Variants in CCDC197 observed in about 807,000 individuals in gnomAD.
CCDC197 encodes uncharacterized protein CCDC197.
Under a neutral mutation model 13.4 loss-of-function variants are expected in CCDC197, and 24 were observed. The observed-to-expected ratio is 1.80, with a 90% CI of 1.30 to 2.53. The LOEUF (loss-of-function observed/expected upper bound fraction) is 2.53, where lower values mean the gene tolerates loss of function less well. Ranked by LOEUF, CCDC197 falls within the 30% of genes most tolerant of loss-of-function variation. CCDC197 has a pLI of 0.00. For missense variants in CCDC197, 255 were observed against 148.8 expected (o/e 1.71, Z -3.71); for synonymous variants, 99 against 55.5 (o/e 1.78, Z -3.48).
chr14:93,988,210 G>A (rs1890135431), intron 1 of CCDC197, among the ~76,000 whole-genome samples: 2 of 118,526 alleles, frequency 1.7e-5, no homozygotes, highest in Admixed American at 8.3e-5. Context: ...GAGGGTATGG[G>A]AGAGGGGATG....
rs12890024 is a variant in CCDC197, at chr14:94,003,455, A to G, written c.498+101A>G. On this transcript the variant is annotated intron_variant, in intron 5 of 6. Coordinates refer to ENST00000636493, the MANE Select transcript of CCDC197 (RefSeq NM_001351596.2). This position sits in a 1 kb window ranked among gnomAD's most constrained non-coding sequence, Gnocchi z 5.0. ...AAAACACACAGACACATACGCACGC[A>G]GACACACACACACAGAGCCAGACAC... is the stretch of plus-strand genomic sequence containing the variant. 238,490 of 634,660 alleles carry G rather than the reference A, an allele frequency of 0.38. 46,003 individuals are homozygous for G. Among genetic ancestry groups the G allele is most frequent in the Admixed American group, 0.44 (20,247 of 46,194 alleles). The allele number at this position is 634,660 out of a possible 1,614,324, so 39.3% of individuals were successfully genotyped here.
At chr14:93,998,348 G>A (rs895079159) in intron 2 of CCDC197, 113 bp downstream of exon 2, 3 of 681,640 alleles carry the variant, frequency 4.4e-6, no homozygotes, top group Admixed American at 4.1e-5. Context: ...GGGTGGATGA[G>A]GAGGGCAGTG....
chr14:93,997,815 T>G (rs1041901095), intron 1 of CCDC197, among the ~76,000 whole-genome samples, 184 bp from the exon 2 acceptor site: 1 of 152,156 alleles, frequency 6.6e-6, no homozygotes, highest in Non-Finnish European at 1.5e-5. Flanking sequence ...GCTGTACCAG[T>G]TATAGGGCCG....
In CCDC197 at chr14:94,005,305, C is replaced by T. The variant is rs112357369; in HGVS notation, c.615+334C>T. On this transcript the variant is annotated intron_variant, in intron 6 of 6. Transcript: ENST00000636493. ...CATCCATGTGTGCTTTCTGCACACC[C>T]ACACATGAGACATACACAGACACAC... 9.8e-3 allele frequency among the ~76,000 whole-genome samples: 1,492 copies of T among 152,314 alleles called. 20 individuals are homozygous for T. The highest frequency in any genetic ancestry group is 0.031 in the African/African-American group (1,279 of 41,564).
chr14:93,996,882 C>T (rs533933043), upstream of CCDC197, among the ~76,000 whole-genome samples: 2 of 152,186 alleles, frequency 1.3e-5, no homozygotes, highest in Non-Finnish European at 2.9e-5. Flanking sequence ...AGACATGGGT[C>T]CTTCAGCTTG....
chr14:94,008,159 C>A (rs1446822994), intron 6 of CCDC197, among the ~76,000 whole-genome samples: 3 of 152,186 alleles, frequency 2.0e-5, no homozygotes, highest in African/African-American at 7.2e-5. Context: ...CAGATTGGGC[C>A]TCTGGATTGA....
intron 1 of CCDC197, among the ~76,000 whole-genome samples, chr14:93,989,776 C>A (rs1029802019): frequency 6.6e-6 from 1 of 152,148 alleles, no homozygotes; most frequent in African/African-American, 2.4e-5. Context: ...GGGAGGGCTC[C>A]ACTGGGTTCT....
At chr14:93,988,938 A>G (rs1459808609) in intron 1 of CCDC197, among the ~76,000 whole-genome samples, 1 of 150,146 alleles carries the variant, frequency 6.7e-6, no homozygotes, top group African/African-American at 2.5e-5. Flanking sequence ...GGAGGAGGGG[A>G]TGGGAGAGAG....
chr14:93,999,333 C>T lies in CCDC197; in HGVS notation c.105-250C>T, dbSNP rs79999662. The T allele has an allele frequency of 4.2e-3, 2,053 of 483,526 alleles. 44 individuals carry two copies. The highest frequency in any genetic ancestry group is 0.038 in the African/African-American group (1,900 of 49,946). The allele number at this position is 483,526 out of a possible 1,614,324, so 30.0% of individuals were successfully genotyped here. A position where few individuals can be genotyped will look rare whatever the true frequency, so the allele number is the denominator to read the frequency against. ...AGAAAGGCTCAGCCTTCATTCTCCCCCAGATACCTTCTTTGCTGCCTGGGA... is the reference window on the plus strand; with the variant it reads ...AGAAAGGCTCAGCCTTCATTCTCCCTCAGATACCTTCTTTGCTGCCTGGGA... On this transcript the variant is annotated intron_variant, in intron 2 of 6. Transcript: ENST00000636493.
intron 1 of CCDC197, among the ~76,000 whole-genome samples, chr14:93,989,264 G>C (rs1890165928): frequency 6.6e-6 from 1 of 152,232 alleles, no homozygotes; most frequent in East Asian, 1.9e-4. Flanking sequence ...CCAGACACCT[G>C]GCTCCCAGGT....
chr14:93,990,767 C>A (rs1890196203), intron 1 of CCDC197, among the ~76,000 whole-genome samples: 1 of 152,218 alleles, frequency 6.6e-6, no homozygotes, highest in African/African-American at 2.4e-5. Context: ...CAGAAAAAGG[C>A]CACAGATGCT....
chr14:94,002,744 T>A (rs1890559749), intron 4 of CCDC197, among the ~76,000 whole-genome samples: 1 of 150,630 alleles, frequency 6.6e-6, no homozygotes, highest in Non-Finnish European at 1.5e-5. Flanking sequence ...TCTCAGCTAA[T>A]TAGGAGGTTG....
downstream of CCDC197, among the ~76,000 whole-genome samples, chr14:94,010,519 A>C (rs1890790423): frequency 6.6e-6 from 1 of 152,228 alleles, no homozygotes; most frequent in African/African-American, 2.4e-5. Flanking sequence ...TGTAGTTTTT[A>C]AAAGGAGAGC....
At chr14:94,011,655 C>A (rs2141396847), downstream of CCDC197, among the ~76,000 whole-genome samples, 2 of 152,316 alleles carry the variant, frequency 1.3e-5, no homozygotes, top group South Asian at 4.1e-4. Flanking sequence ...CCTTCAAGGG[C>A]ATTTGGAGAA....
At chr14:94,007,208 G>A (rs1567045384) in intron 6 of CCDC197, 1 of 152,156 alleles carries the variant, frequency 6.6e-6, no homozygotes, top group African/African-American at 2.4e-5. Flanking sequence ...CTAATCCAGG[G>A]TCATGAAGAT....
At chr14:94,011,585 C>T (rs1890808307), downstream of CCDC197, among the ~76,000 whole-genome samples, 7 of 152,232 alleles carry the variant, frequency 4.6e-5, no homozygotes, top group Admixed American at 4.6e-4. Flanking sequence ...AGCTCGCTCC[C>T]CCATGACCCT....
rs986056535 is a variant in CCDC197, at chr14:94,004,976, G to A, written c.615+5G>A. Reference sequence around the variant, plus strand: ...TCCAAGCTCGATCTGATTAAGGTAAGGATAGACAGATGGCTGCGGGGCTCC... The same window carrying A: ...TCCAAGCTCGATCTGATTAAGGTAAAGATAGACAGATGGCTGCGGGGCTCC... On this transcript the variant is annotated splice_donor_5th_base_variant and intron_variant, in intron 6 of 6. Transcript: ENST00000636493. 1.4e-6 allele frequency: 1 copy of A among 701,784 alleles called. No homozygotes were observed. The highest frequency in any genetic ancestry group is 2.6e-6 in the Non-Finnish European group (1 of 384,206). The allele number at this position is 701,784 out of a possible 1,614,324, so 43.5% of individuals were successfully genotyped here.
chr14:94,008,774 C>G lies in CCDC197; in HGVS notation c.781C>G (p.Pro261Ala), dbSNP rs892996156. The change falls in exon 7 of 7, where the codon CCC (proline) becomes GCC (alanine). Residue 261 changes from proline (P) to alanine (A), a missense_variant. By Grantham distance (27) the Pro-to-Ala change is conservative. Transcript: ENST00000636493. ...GGTTTCCACCCCCAGGACCCCCTTT[C>G]CCAGCCCCCATGCTTCAGAGTGCTC... ...RRVSTPRTPFPSPHASECSGL... is the reference protein window; with the variant it reads ...RRVSTPRTPFASPHASECSGL... 1.4e-6 allele frequency: 1 copy of G among 702,522 alleles called. No individual in the cohort carries two copies. 43.5% of individuals were successfully genotyped at this position (702,522 alleles called of 1,614,324 possible). A position where few individuals can be genotyped will look rare whatever the true frequency, so the allele number is the denominator to read the frequency against.
Position 94,001,309 on chromosome 14 carries a change from A to G in CCDC197, c.352A>G (p.Arg118Gly). ...RSLESLEEDH[R>G]ALMLSLKIRL... The stretch of plus-strand genomic sequence containing the variant: ...CCTGGAGTCTCTGGAGGAGGACCAC[A>G]GGGCTCTCATGTTGGTAACAGCTGC... The change falls in exon 4 of 7, where the codon AGG (arginine) becomes GGG (glycine). Residue 118 changes from arginine (R) to glycine (G), a missense_variant. Arg to Gly is a moderately radical substitution (Grantham distance 125). Transcript: ENST00000636493. 2 of 776,210 alleles carry G rather than the reference A, an allele frequency of 2.6e-6. No individual in the cohort carries two copies. The highest frequency in any genetic ancestry group is 4.8e-6 in the Non-Finnish European group (2 of 415,462). The allele number at this position is 776,210 out of a possible 1,614,324, so 48.1% of individuals were successfully genotyped here.
Sources: allele counts gnomAD v4.1 joint callset (sites outside exome capture counted in the v4.1 genomes callset), GRCh38; gene constraint gnomAD v4.1.1; non-coding constraint Gnocchi (gnomAD v3.1); transcripts MANE v1.5; gene names NCBI Gene and HGNC (gene_info 2026-07-23, HGNC 2026-07-21).